SPAG9: variants seen among roughly 807,000 people sequenced by gnomAD.
SPAG9 encodes the protein sperm associated antigen 9.
A neutral mutation model predicts 166.5 loss-of-function variants in SPAG9; 35 were observed. The ratio of observed to expected loss-of-function variants is 0.21; its 90% CI spans 0.16 to 0.28. The LOEUF is 0.28. SPAG9 is among the 10% of genes least tolerant of loss of function. The pLI is 1.00. For missense variants in SPAG9, 1,235 were observed against 1,603.3 expected (o/e 0.77, Z 3.92); for synonymous variants, 534 against 565.5 (o/e 0.94, Z 0.79).
At chr17:50,975,071 G>C in intron 27 of SPAG9, 124 bp from the exon 28 acceptor site, 1 of 853,522 alleles carries the variant, frequency 1.2e-6, no homozygotes, top group East Asian at 3.0e-5. Context: ...AAACAAGGAT[G>C]GCAATGCCAA....
At chr17:50,990,295 T>C in intron 20 of SPAG9, 155 bp downstream of exon 20, 1 of 646,218 alleles carries the variant, frequency 1.5e-6, no homozygotes, top group East Asian at 2.8e-5. Flanking sequence ...CCCAGAGTGC[T>C]GGGATTACAG....
At chr17:51,101,764 T>C (rs183194052) in intron 1 of SPAG9, among the ~76,000 whole-genome samples, 43 of 152,144 alleles carry the variant, frequency 2.8e-4, no homozygotes, top group Admixed American at 2.4e-3. Flanking sequence ...GCTGGGATTA[T>C]AGGCACCCGC....
At chr17:51,025,834 G>A (rs2046145310) in intron 6 of SPAG9, among the ~76,000 whole-genome samples, 1 of 152,200 alleles carries the variant, frequency 6.6e-6, no homozygotes, top group Non-Finnish European at 1.5e-5. Flanking sequence ...AGAGGCTGCA[G>A]TGAGCTCAGA....
chr17:50,993,787 A>G lies in SPAG9; in HGVS notation c.2375T>C (p.Val792Ala). The G allele has an allele frequency of 1.2e-6, 2 of 1,614,194 alleles. No homozygotes were observed. The highest frequency in any genetic ancestry group is 3.3e-5 in the Admixed American group (2 of 60,026). ...LDSFTVCNSH[V>A]LCIASVPGAR... ...ACCTGGCACACTTGCAATGCACAGA[A>G]CATGAGAGTTGCAAACAGTGAAACT... Residue 792 changes from valine (V) to alanine (A), a missense_variant, in exon 19 of 30, where the codon GTT becomes GCT. Physicochemically the swap from Val to Ala is moderately conservative, Grantham distance 64. This residue lies in a region of SPAG9 where 493 missense variants were observed against 559.4 expected (regional missense o/e 0.88). Transcript: ENST00000262013.
At position 50,964,953 on chromosome 17, in the gene SPAG9, G is replaced by C. The variant is rs935897720; in HGVS notation, c.*1319C>G. ...GTTTTTTTTTTTTGGTAGAGACAGGGTTTCGCCATGTTGCCCAGGCTGGTC... is the reference window on the plus strand; with the variant it reads ...GTTTTTTTTTTTTGGTAGAGACAGGCTTTCGCCATGTTGCCCAGGCTGGTC... On this transcript the variant is annotated 3_prime_UTR_variant, in exon 30 of 30. Coordinates refer to ENST00000262013, the MANE Select transcript of SPAG9 (RefSeq NM_001130528.3). The C allele has an allele frequency of 1.6e-5, 3 of 184,646 alleles. No homozygotes were observed. The highest frequency in any genetic ancestry group is 3.5e-5 in the Non-Finnish European group (3 of 85,110). The allele number at this position is 184,646 out of a possible 1,614,324, so 11.4% of individuals were successfully genotyped here.
At chr17:51,033,120 A>G (rs1345739620) in intron 5 of SPAG9, among the ~76,000 whole-genome samples, 2 of 152,010 alleles carry the variant, frequency 1.3e-5, no homozygotes, top group Non-Finnish European at 2.9e-5. Context: ...CAATCACCAC[A>G]GTCAAGCCAA....
At chr17:50,999,627 G>T in intron 14 of SPAG9, 34 bp downstream of exon 14, 1 of 1,562,276 alleles carries the variant, frequency 6.4e-7, no homozygotes, top group Non-Finnish European at 8.8e-7. Context: ...CTTGTCTCAT[G>T]TGCTGTCTAA....
At chr17:51,043,151 A>T (rs1205421673) in intron 4 of SPAG9, among the ~76,000 whole-genome samples, 1 of 152,122 alleles carries the variant, frequency 6.6e-6, no homozygotes, top group East Asian at 1.9e-4. Flanking sequence ...CGGCCTCCCA[A>T]AGTGCTAGGA....
At chr17:50,993,069 G>A (rs1324917248) in intron 19 of SPAG9, among the ~76,000 whole-genome samples, 1 of 143,540 alleles carries the variant, frequency 7.0e-6, no homozygotes, top group African/African-American at 2.6e-5. Flanking sequence ...GCACTCCAGT[G>A]TGAGTGACAG....
At chr17:51,077,093 T>TCTAGCTAGCTAGCTATCTAGCTAGCTAG (rs879689153) in intron 2 of SPAG9, among the ~76,000 whole-genome samples, 3 of 56,070 alleles carry the variant, frequency 5.4e-5, no homozygotes, top group Non-Finnish European at 1.3e-4. Flanking sequence ...TAGCTAGCTA[T>TCTAGCTAGCTAGCTATCTAGCTAGCTAG]CTATCTAGCT....
chr17:51,086,250 G>A (rs2048304104), intron 1 of SPAG9, among the ~76,000 whole-genome samples: 1 of 151,848 alleles, frequency 6.6e-6, no homozygotes, highest in South Asian at 2.1e-4. Flanking sequence ...AAAGCGCTGG[G>A]ATTACAGGTG....
chr17:50,972,216 T>C (rs1247144540), intron 28 of SPAG9, among the ~76,000 whole-genome samples: 1 of 152,182 alleles, frequency 6.6e-6, no homozygotes, highest in Non-Finnish European at 1.5e-5. Flanking sequence ...ACTATTATAG[T>C]CTAAATCTTT....
At chr17:51,078,263 C>T (rs2048070598) in intron 2 of SPAG9, among the ~76,000 whole-genome samples, 1 of 152,224 alleles carries the variant, frequency 6.6e-6, no homozygotes, top group African/African-American at 2.4e-5. Flanking sequence ...CATTGGCCCT[C>T]TTCTAGGACA....
rs1384976549 is a variant in SPAG9 at position 51,062,545 on chromosome 17, T to G, written c.425-6063A>C. 2.0e-5 allele frequency among the ~76,000 whole-genome samples: 3 copies of G among 152,196 alleles called. No homozygotes were observed. In the East Asian group the frequency reaches 5.8e-4, roughly 29 times the overall value. On this transcript the variant is annotated intron_variant, in intron 2 of 29. Transcript: ENST00000262013. ...TCATATAGTACCTAGCCTTTTCAGA[T>G]TGGCTTCTTTCACTTAGTAATATGC...
chr17:51,012,917 T>G (rs2045550202), intron 9 of SPAG9, among the ~76,000 whole-genome samples: 1 of 151,656 alleles, frequency 6.6e-6, no homozygotes. Flanking sequence ...TGGCTAATTT[T>G]GATATTTTTC....
At chr17:51,078,663 AG>A (rs1332002954) in intron 2 of SPAG9, among the ~76,000 whole-genome samples, 1 of 151,924 alleles carries the variant, frequency 6.6e-6, no homozygotes, top group Non-Finnish European at 1.5e-5. Flanking sequence ...TATTAGCCAA[AG>A]GGGAAAATCA....
At chr17:50,990,875 T>C (rs999880497) in intron 19 of SPAG9, 9 of 527,328 alleles carry the variant, frequency 1.7e-5, no homozygotes, top group South Asian at 1.4e-4. Context: ...TTAACACAAG[T>C]GCAAATAAAC....
At chr17:51,028,967 T>C (rs1301202105) in intron 6 of SPAG9, among the ~76,000 whole-genome samples, 6 of 152,184 alleles carry the variant, frequency 3.9e-5, no homozygotes, top group African/African-American at 7.2e-5. Flanking sequence ...TCTTTTTCAA[T>C]GGCATGAGTG....
intron 28 of SPAG9, among the ~76,000 whole-genome samples, chr17:50,972,843 T>C (rs1347549001): frequency 1.3e-5 from 2 of 152,202 alleles, no homozygotes. Flanking sequence ...AAGAGCACAG[T>C]GGTATTACTG....
Sources: gnomAD v4.1 joint callset for allele counts (sites outside exome capture counted in the v4.1 genomes callset) on GRCh38, gnomAD v4.1.1 for gene constraint, gnomAD v4.1.1 regional missense constraint, MANE v1.5 for transcripts, NCBI Gene and HGNC (gene_info 2026-07-23, HGNC 2026-07-21) for gene names.